HERPUD1: variants seen among roughly 807,000 people sequenced by gnomAD.
The protein encoded by HERPUD1 is homocysteine inducible ER protein with ubiquitin like domain 1, also known as homocysteine-responsive endoplasmic reticulum-resident ubiquitin-like domain member 1 protein.
In HERPUD1, 17 loss-of-function variants were observed where a neutral mutation model predicts 45.0. The observed-to-expected ratio is 0.38, with a 90% CI of 0.26 to 0.57. The LOEUF (loss-of-function observed/expected upper bound fraction) is 0.57, where lower values mean the gene tolerates loss of function less well. Among genes scored for constraint, HERPUD1 ranks in the 20% least tolerant of loss-of-function variants. HERPUD1 has a pLI of 0.72. For synonymous variants in HERPUD1, 164 were observed against 177.5 expected (o/e 0.92, Z 0.61); for missense variants, 420 against 490.5 (o/e 0.86, Z 1.36).
chr16:56,934,975 G>A (rs1418606421), intron 1 of HERPUD1: 6 of 398,200 alleles, frequency 1.5e-5, no homozygotes, highest in Non-Finnish European at 2.4e-5. Context: ...GCCTCCCACA[G>A]TGCTTGGATT....
At position 56,943,358 on chromosome 16, in the gene HERPUD1, T is replaced by C. The variant is rs1426884085; in HGVS notation, c.*68T>C. 2 of 1,546,914 alleles carry C rather than the reference T, an allele frequency of 1.3e-6. No homozygotes were observed. The highest frequency in any genetic ancestry group is 1.8e-6 in the Non-Finnish European group (2 of 1,119,050). On this transcript the variant is annotated 3_prime_UTR_variant, in exon 8 of 8. Coordinates refer to ENST00000439977, the MANE Select transcript of HERPUD1 (RefSeq NM_014685.4). ...ACTGGATCACCTGACTCCAGCTAGA[T>C]TGCCTCTCCTGGACATGGCAATGAT...
chr16:56,933,172 C>A, intron 1 of HERPUD1: 1 of 437,020 alleles, frequency 2.3e-6, no homozygotes, highest in Non-Finnish European at 4.6e-6. Flanking sequence ...TAAGTGTCAG[C>A]AGTGTTCTTC....
chr16:56,932,480 T>A, intron 1 of HERPUD1, 89 bp downstream of exon 1: 1 of 1,217,626 alleles, frequency 8.2e-7, no homozygotes, highest in Non-Finnish European at 1.1e-6. Flanking sequence ...TCCTGTGGCC[T>A]CCTCCCGCTG....
chr16:56,935,221 C>A lies in HERPUD1; in HGVS notation c.148-14C>A. ...GAAATGCTGACCTGTGTTACTCTTTCTTTCCATGATCAGCGTCCAGAGGAC... is the reference window on the plus strand; with the variant it reads ...GAAATGCTGACCTGTGTTACTCTTTATTTCCATGATCAGCGTCCAGAGGAC... On this transcript the variant is annotated splice_polypyrimidine_tract_variant and intron_variant, in intron 1 of 7. Coordinates refer to ENST00000439977, the MANE Select transcript of HERPUD1 (RefSeq NM_014685.4). 1 of 1,601,926 alleles carries A rather than the reference C, an allele frequency of 6.2e-7. No individual in the cohort carries two copies. Among genetic ancestry groups the A allele is most frequent in the Non-Finnish European group, 8.6e-7 (1 of 1,168,992 alleles).
At chr16:56,940,271 AATTAC>A in intron 6 of HERPUD1, 26 bp downstream of exon 6, 1 of 1,500,492 alleles carries the variant, frequency 6.7e-7, no homozygotes, top group Admixed American at 1.7e-5. Flanking sequence ...CTCTAATATA[AATTAC>A]ACTACACTGT....
rs1205752299 is a variant in HERPUD1 at position 56,942,063 on chromosome 16, GC to G, written c.906-67del. ...GTGCTGCTGTGATTAGAGGTGGGGAGCCTTGGATTCTTGAGTAAGTCTCACT... is the reference window on the plus strand; with the variant it reads ...GTGCTGCTGTGATTAGAGGTGGGGAGCTTGGATTCTTGAGTAAGTCTCACT... On this transcript the variant is annotated intron_variant, in intron 6 of 7. Transcript: ENST00000439977. The G allele has an allele frequency of 6.5e-5, 81 of 1,243,398 alleles. No individual in the cohort carries two copies. The East Asian group carries it at 1.5e-3, about 22-fold the overall frequency. 77.0% of individuals were successfully genotyped at this position (1,243,398 alleles called of 1,614,324 possible). A position where few individuals can be genotyped will look rare whatever the true frequency, so the allele number is the denominator to read the frequency against.
intron 3 of HERPUD1, chr16:56,935,741 G>T: frequency 2.2e-6 from 1 of 455,170 alleles, no homozygotes; most frequent in South Asian, 2.6e-5. Context: ...TATGGTTACT[G>T]TGTATCTAGA....
At position 56,943,616 on chromosome 16, in the gene HERPUD1, G is replaced by A. The variant is rs1596984967; in HGVS notation, c.*326G>A. On this transcript the variant is annotated 3_prime_UTR_variant, in exon 8 of 8. Coordinates refer to ENST00000439977, the MANE Select transcript of HERPUD1 (RefSeq NM_014685.4). The stretch of plus-strand genomic sequence containing the variant: ...TTTCCAAATGTGTGTGTCTGCATGT[G>A]TGTTTGTACATAGAAGTCATAGATG... 1.3e-5 allele frequency: 6 copies of A among 445,848 alleles called. No homozygotes were observed. The highest frequency in any genetic ancestry group is 7.8e-5 in the East Asian group (2 of 25,596). 27.6% of individuals were successfully genotyped at this position (445,848 alleles called of 1,614,324 possible).
chr16:56,939,458 G>A (rs1464844460), intron 5 of HERPUD1, 99 bp downstream of exon 5: 5 of 1,454,818 alleles, frequency 3.4e-6, no homozygotes, highest in South Asian at 2.4e-5. Flanking sequence ...AGGGATGAGT[G>A]TATTTTCATC....
intron 4 of HERPUD1, among the ~76,000 whole-genome samples, chr16:56,938,738 C>G (rs1277794482): frequency 2.6e-5 from 4 of 152,092 alleles, no homozygotes; most frequent in African/African-American, 9.7e-5. Flanking sequence ...CTGTACAGGA[C>G]CCCCGGTGGT....
At chr16:56,942,795 A>T (rs2055920812) in intron 7 of HERPUD1, among the ~76,000 whole-genome samples, 1 of 152,200 alleles carries the variant, frequency 6.6e-6, no homozygotes, top group African/African-American at 2.4e-5. Flanking sequence ...CAGTAAGCCA[A>T]GATCACACCA....
chr16:56,933,352 C>T (rs779144153), intron 1 of HERPUD1: 14 of 455,844 alleles, frequency 3.1e-5, no homozygotes, highest in Admixed American at 4.7e-5. Flanking sequence ...TTGAAATTTG[C>T]ATATTTATTT....
rs562548001 is a variant in HERPUD1, at chr16:56,944,177, G to A, written c.*887G>A. 2.0e-5 allele frequency: 3 copies of A among 152,584 alleles called. No homozygotes were observed. The highest frequency in any genetic ancestry group is 7.2e-5 in the African/African-American group (3 of 41,582). The allele number at this position is 152,584 out of a possible 1,614,324, so 9.5% of individuals were successfully genotyped here. A position where few individuals can be genotyped will look rare whatever the true frequency, so the allele number is the denominator to read the frequency against. On this transcript the variant is annotated 3_prime_UTR_variant, in exon 8 of 8. Transcript: ENST00000439977. ...TCCTGCCTCAGCCACCCTGGCAGCTGGGACTACAGGCATGCGCCATCACAC... is the reference window on the plus strand; with the variant it reads ...TCCTGCCTCAGCCACCCTGGCAGCTAGGACTACAGGCATGCGCCATCACAC...
At chr16:56,932,825 G>A (rs2144813792) in intron 1 of HERPUD1, among the ~76,000 whole-genome samples, 1 of 152,330 alleles carries the variant, frequency 6.6e-6, no homozygotes, top group Middle Eastern at 3.4e-3. Context: ...CACTGTGGAC[G>A]GAAGGCCCCA....
intron 1 of HERPUD1, among the ~76,000 whole-genome samples, chr16:56,932,935 G>A (rs554243432): frequency 3.3e-5 from 5 of 152,332 alleles, no homozygotes; most frequent in Admixed American, 3.3e-4. Flanking sequence ...GTCCCGGGGT[G>A]GAGCCCCGTG....
chr16:56,938,228 C>A (rs879537978), intron 4 of HERPUD1, among the ~76,000 whole-genome samples: 2 of 152,224 alleles, frequency 1.3e-5, no homozygotes, highest in Non-Finnish European at 2.9e-5. Context: ...GACTCGCATA[C>A]ACCTGCCCTG....
chr16:56,937,946 T>C (rs1401728868), intron 4 of HERPUD1, among the ~76,000 whole-genome samples: 1 of 152,034 alleles, frequency 6.6e-6, no homozygotes, highest in Non-Finnish European at 1.5e-5. Context: ...TAGAAAAACT[T>C]AAAACTACTT....
In HERPUD1 at chr16:56,943,358, T is replaced by A; in HGVS notation, c.*68T>A. The A allele has an allele frequency of 6.5e-7, 1 of 1,546,914 alleles. No individual in the cohort carries two copies. The highest frequency in any genetic ancestry group is 8.9e-7 in the Non-Finnish European group (1 of 1,119,050). ...ACTGGATCACCTGACTCCAGCTAGA[T>A]TGCCTCTCCTGGACATGGCAATGAT... On this transcript the variant is annotated 3_prime_UTR_variant, in exon 8 of 8. Transcript: ENST00000439977.
chr16:56,932,759 G>A (rs537433360), intron 1 of HERPUD1, among the ~76,000 whole-genome samples: 1 of 152,362 alleles, frequency 6.6e-6, no homozygotes, highest in African/African-American at 2.4e-5. Flanking sequence ...TGCAGGGAGA[G>A]GAGCGGGCAG....
Sources: allele counts gnomAD v4.1 joint callset (sites outside exome capture counted in the v4.1 genomes callset), GRCh38; gene constraint gnomAD v4.1.1; transcripts MANE v1.5; gene names NCBI Gene and HGNC (gene_info 2026-07-23, HGNC 2026-07-21).